Variants in ABCG1 observed in about 807,000 individuals in gnomAD.
The protein encoded by ABCG1 is ATP-binding cassette sub-family G member 1.
A neutral mutation model predicts 69.2 loss-of-function variants in ABCG1; 29 were observed. The ratio of observed to expected loss-of-function variants is 0.42; its 90% CI spans 0.31 to 0.57. The LOEUF (loss-of-function observed/expected upper bound fraction) is 0.57, where lower values mean the gene tolerates loss of function less well. Among genes scored for constraint, ABCG1 ranks in the 20% least tolerant of loss-of-function variants. The pLI is 0.15. For synonymous variants in ABCG1, 370 were observed against 374.8 expected (o/e 0.99, Z 0.15); for missense variants, 718 against 898.1 (o/e 0.80, Z 2.56).
chr21:42,293,078 CCA>C (rs752479973), intron 13 of ABCG1, among the ~76,000 whole-genome samples: 1 of 36,788 alleles, frequency 2.7e-5, no homozygotes, highest in Non-Finnish European at 5.5e-5. Context: ...TACACACACA[CCA>C]CACACACTAC....
upstream of ABCG1, among the ~76,000 whole-genome samples, chr21:42,215,382 T>G (rs2067628930): frequency 6.6e-6 from 1 of 152,142 alleles, no homozygotes; most frequent in Non-Finnish European, 1.5e-5. Context: ...TCCACAGAAA[T>G]AAATCAGACA....
At chr21:42,285,096 A>G (rs1207858781) in intron 7 of ABCG1, among the ~76,000 whole-genome samples, 1 of 152,130 alleles carries the variant, frequency 6.6e-6, no homozygotes, top group Non-Finnish European at 1.5e-5. Flanking sequence ...TGTCACCAGC[A>G]TTGTAGAACT....
chr21:42,288,039 T>C lies in ABCG1; in HGVS notation c.1122+2T>C. 1.9e-6 allele frequency: 3 copies of C among 1,608,206 alleles called. No homozygotes were observed. The highest frequency in any genetic ancestry group is 2.6e-6 in the Non-Finnish European group (3 of 1,176,210). ...CTTTGGCACCGGCCCTCTGAAGAGG[T>C]AAAGCAGACAAAACGATTAAAGGGG... is the stretch of plus-strand genomic sequence containing the variant. On this transcript the variant is annotated splice_donor_variant, in intron 9 of 14. Transcript: ENST00000398449. LOFTEE classifies it high-confidence loss of function. This position sits in a 1 kb window ranked among gnomAD's most constrained non-coding sequence, Gnocchi z 4.8.
chr21:42,207,987 C>G (rs2067556552), intron 2 of ABCG1, among the ~76,000 whole-genome samples: 1 of 152,200 alleles, frequency 6.6e-6, no homozygotes, highest in Non-Finnish European at 1.5e-5. Context: ...TTGGCCTTCT[C>G]TGACACATAT....
intron 6 of ABCG1, among the ~76,000 whole-genome samples, chr21:42,284,262 C>T (rs1401799273): frequency 7.6e-6 from 1 of 131,970 alleles, no homozygotes; most frequent in Non-Finnish European, 1.7e-5. Context: ...TTGTGAAGTC[C>T]CTCCCTGCCC....
At chr21:42,248,252 T>C (rs112909379) in intron 2 of ABCG1, among the ~76,000 whole-genome samples, 3,810 of 152,312 alleles carry the variant, frequency 0.025, 88 homozygotes, top group Middle Eastern at 0.048. Flanking sequence ...TCTGGAAAGA[T>C]AGTAGTTGCT....
chr21:42,263,057 T>C (rs1368654498), intron 2 of ABCG1, among the ~76,000 whole-genome samples: 1 of 152,228 alleles, frequency 6.6e-6, no homozygotes, highest in African/African-American at 2.4e-5. Context: ...TCCTAGGTGT[T>C]GACAGTTGAC....
intron 2 of ABCG1, among the ~76,000 whole-genome samples, chr21:42,269,130 T>C (rs1569228413): frequency 6.6e-6 from 1 of 152,152 alleles, no homozygotes; most frequent in Non-Finnish European, 1.5e-5. Flanking sequence ...AGGCAGCTCA[T>C]AAGTTTGAGA....
At chr21:42,271,028 GATAAA>G (rs2068606765) in intron 2 of ABCG1, 37 bp from the exon 3 acceptor site, 2 of 1,328,294 alleles carry the variant, frequency 1.5e-6, no homozygotes, top group East Asian at 2.8e-5. Flanking sequence ...CTGCATTAGA[GATAAA>G]ATGAAATGAA....
chr21:42,283,213 G>A (rs570453817), intron 6 of ABCG1, among the ~76,000 whole-genome samples: 1 of 152,068 alleles, frequency 6.6e-6, no homozygotes, highest in African/African-American at 2.4e-5. Context: ...AGCCTTCTGA[G>A]GGGGGGATGG....
In ABCG1 at chr21:42,273,487, GC is replaced by G. The variant is rs1569230634; in HGVS notation, c.537+55del. The G allele has an allele frequency of 6.3e-7, 1 of 1,580,280 alleles. No homozygotes were observed. The highest frequency in any genetic ancestry group is 2.3e-5 in the East Asian group (1 of 44,096). On this transcript the variant is annotated intron_variant, in intron 4 of 14. Transcript: ENST00000398449. The surrounding 1 kb of genome is among the most constrained non-coding windows in gnomAD (Gnocchi z 5.3). The stretch of plus-strand genomic sequence containing the variant: ...TCCGCCCCTGCCGCCTGTCCCCAGC[GC>G]CCACATTAGACACAGCACTGGCCGA...
In ABCG1 at chr21:42,273,525, C is replaced by T. The variant is rs947593920; in HGVS notation, c.537+90C>T. The stretch of plus-strand genomic sequence containing the variant: ...ACAGCACTGGCCGAGTGCCCAGCTG[C>T]GAGGGACCCAAGGGCTCTGCCACGC... On this transcript the variant is annotated intron_variant, in intron 4 of 14. Transcript: ENST00000398449. This position sits in a 1 kb window ranked among gnomAD's most constrained non-coding sequence, Gnocchi z 5.3. 25 of 1,468,648 alleles carry T rather than the reference C, an allele frequency of 1.7e-5. No individual in the cohort carries two copies. The highest frequency in any genetic ancestry group is 2.8e-5 in the African/African-American group (2 of 70,554). The allele number at this position is 1,468,648 out of a possible 1,614,324, so 91.0% of individuals were successfully genotyped here.
intron 2 of ABCG1, among the ~76,000 whole-genome samples, chr21:42,242,899 C>T (rs896345058): frequency 6.6e-6 from 1 of 152,084 alleles, no homozygotes; most frequent in East Asian, 1.9e-4. Flanking sequence ...TCTGAGTGAG[C>T]AGGTTTGGGG....
chr21:42,263,172 G>T (rs997239880), intron 2 of ABCG1, among the ~76,000 whole-genome samples: 3 of 152,164 alleles, frequency 2.0e-5, no homozygotes, highest in African/African-American at 7.2e-5. Context: ...TGTTCCAGGG[G>T]CTGTCTGGCA....
intron 2 of ABCG1, among the ~76,000 whole-genome samples, chr21:42,239,527 T>C (rs999964662): frequency 6.6e-6 from 1 of 152,256 alleles, no homozygotes; most frequent in Non-Finnish European, 1.5e-5. Flanking sequence ...CGCCGGGCAG[T>C]GTGCTCAGAG....
chr21:42,292,123 G>A (rs968092682), intron 13 of ABCG1, among the ~76,000 whole-genome samples: 14 of 150,952 alleles, frequency 9.3e-5, no homozygotes, highest in South Asian at 2.1e-4. Context: ...CCTGCCCCCC[G>A]ACCTGCCGCC....
chr21:42,226,822 T>A (rs2067824946), intron 2 of ABCG1, among the ~76,000 whole-genome samples: 1 of 152,150 alleles, frequency 6.6e-6, no homozygotes, highest in Non-Finnish European at 1.5e-5. Context: ...AATTTGAAAA[T>A]CTGGGAGGAC....
chr21:42,269,997 G>A (rs558137822), intron 2 of ABCG1, among the ~76,000 whole-genome samples: 1 of 151,038 alleles, frequency 6.6e-6, no homozygotes, highest in East Asian at 2.0e-4. Flanking sequence ...CGGGCGCGGT[G>A]GCTCACGCCT....
At chr21:42,271,301 A>G in intron 3 of ABCG1, 114 bp downstream of exon 3, 1 of 650,540 alleles carries the variant, frequency 1.5e-6, no homozygotes, top group Non-Finnish European at 2.5e-6. Context: ...GGTCTACAGC[A>G]GTAGTCCAGG....
Sources: gnomAD v4.1 joint callset for allele counts (sites outside exome capture counted in the v4.1 genomes callset) on GRCh38, gnomAD v4.1.1 for gene constraint, Gnocchi (gnomAD v3.1) non-coding constraint, MANE v1.5 for transcripts, NCBI Gene and HGNC (gene_info 2026-07-23, HGNC 2026-07-21) for gene names.